The following LARGE1 variants were observed in gnomAD, a reference collection of about 807,000 sequenced individuals.
LARGE1 encodes the protein LARGE xylosyl- and glucuronyltransferase 1.
A neutral mutation model predicts 87.6 loss-of-function variants in LARGE1; 43 were observed. The observed-to-expected ratio is 0.49, with a 90% CI of 0.38 to 0.63. LARGE1 has a LOEUF of 0.63. Among genes scored for constraint, LARGE1 ranks in the 30% least tolerant of loss-of-function variants. The pLI, the probability that LARGE1 is intolerant of heterozygous loss-of-function variation, is 0.00. For synonymous variants in LARGE1, 434 were observed against 394.6 expected, an observed-to-expected ratio of 1.10 and a Z score of -1.18; for missense variants, 802 against 1,000.2, an observed-to-expected ratio of 0.80 and a Z score of 2.67.
intron 5 of LARGE1, among the ~76,000 whole-genome samples, chr22:33,577,993 T>C (rs1569285797): frequency 6.6e-6 from 1 of 152,238 alleles, no homozygotes; most frequent in Non-Finnish European, 1.5e-5. Flanking sequence ...CACTCAGCTC[T>C]TGTAATACAT....
intron 1 of LARGE1, among the ~76,000 whole-genome samples, chr22:33,874,054 C>G (rs2064388957): frequency 6.6e-6 from 1 of 151,972 alleles, no homozygotes; most frequent in Non-Finnish European, 1.5e-5. Context: ...CCTCTATTCT[C>G]CTGCCTCTGC....
chr22:33,826,698 T>C (rs1239966498), intron 1 of LARGE1, among the ~76,000 whole-genome samples: 1 of 152,086 alleles, frequency 6.6e-6, no homozygotes, highest in Non-Finnish European at 1.5e-5. Flanking sequence ...GGACAATCCA[T>C]GCTTCTCTCA....
At chr22:33,411,657 A>G (rs1183193673) in intron 7 of LARGE1, among the ~76,000 whole-genome samples, 2 of 152,206 alleles carry the variant, frequency 1.3e-5, no homozygotes, top group Non-Finnish European at 2.9e-5. Context: ...GCATAAGCAA[A>G]CAAACAAACA....
intron 6 of LARGE1, among the ~76,000 whole-genome samples, chr22:33,501,864 T>C (rs1602137840): frequency 3.3e-5 from 5 of 152,122 alleles, no homozygotes; most frequent in Admixed American, 3.3e-4. Flanking sequence ...CCATGTGCTA[T>C]GAAGGGGAAA....
chr22:33,113,333 G>A, the LARGE1 span, among the ~76,000 whole-genome samples: 1 of 151,210 alleles, frequency 6.6e-6, no homozygotes, highest in Non-Finnish European at 1.5e-5. Context: ...TCAGCCTCCT[G>A]AGTAGCTGGG....
chr22:33,363,732 G>A (rs1171852206), intron 9 of LARGE1, among the ~76,000 whole-genome samples: 1 of 149,856 alleles, frequency 6.7e-6, no homozygotes, highest in Non-Finnish European at 1.5e-5. Context: ...ATTATAATAC[G>A]TCAGCACCAC....
intron 2 of LARGE1, among the ~76,000 whole-genome samples, chr22:33,675,234 C>T (rs1429212181): frequency 7.9e-6 from 1 of 127,302 alleles, no homozygotes; most frequent in Admixed American, 1.0e-4. Flanking sequence ...GCAGAGGTTG[C>T]GGTGAGCCAA....
chr22:33,897,060 A>G (rs189343072), intron 1 of LARGE1, among the ~76,000 whole-genome samples: 169 of 152,280 alleles, frequency 1.1e-3, no homozygotes, highest in Admixed American at 3.5e-3. Flanking sequence ...TTAGCAGATC[A>G]GGGACAGTTT....
At chr22:33,725,953 G>C (rs2083258990) in intron 2 of LARGE1, among the ~76,000 whole-genome samples, 2 of 152,136 alleles carry the variant, frequency 1.3e-5, no homozygotes, top group South Asian at 4.1e-4. Context: ...TCAGGGGAGA[G>C]ATGCTGCTGG....
chr22:33,601,868 T>C (rs1217658340), intron 5 of LARGE1, among the ~76,000 whole-genome samples: 1 of 152,152 alleles, frequency 6.6e-6, no homozygotes, highest in Non-Finnish European at 1.5e-5. Flanking sequence ...GCACGTAAAA[T>C]AATAGACAGT....
intron 9 of LARGE1, among the ~76,000 whole-genome samples, chr22:33,343,381 A>G (rs545379330): frequency 6.6e-6 from 1 of 152,156 alleles, no homozygotes; most frequent in South Asian, 2.1e-4. Flanking sequence ...CAGCCTCCCA[A>G]ACGGCTAGGA....
intron 1 of LARGE1, among the ~76,000 whole-genome samples, chr22:33,762,212 TCAAAAAAAAAAAAA>T (rs1569432909): frequency 2.1e-5 from 1 of 47,012 alleles, no homozygotes. Context: ...AGATTCTATC[TCAAAAAAAAAAAAA>T]AAAAAAAAAA....
At chr22:33,308,593 A>G (rs933917849) in intron 11 of LARGE1, among the ~76,000 whole-genome samples, 1 of 152,166 alleles carries the variant, frequency 6.6e-6, no homozygotes, top group Non-Finnish European at 1.5e-5. Flanking sequence ...TCCATGCGAT[A>G]TTAGCAAACA....
chr22:33,426,213 G>A (rs572317400), intron 7 of LARGE1, among the ~76,000 whole-genome samples: 23 of 152,230 alleles, frequency 1.5e-4, no homozygotes, highest in South Asian at 4.1e-4. Flanking sequence ...ATATGCAAAC[G>A]CTTCTCTATT....
intron 1 of LARGE1, among the ~76,000 whole-genome samples, chr22:33,890,791 G>T (rs750755908): frequency 6.6e-6 from 1 of 151,322 alleles, no homozygotes; most frequent in Non-Finnish European, 1.5e-5. Flanking sequence ...ATAATTTTGG[G>T]GTGGGGGCGG....
intron 1 of LARGE1, among the ~76,000 whole-genome samples, chr22:33,787,631 A>T (rs910341144): frequency 4.6e-5 from 7 of 152,162 alleles, no homozygotes; most frequent in African/African-American, 1.7e-4. Context: ...GAATGAGAAA[A>T]ATCAAATATT....
chr22:33,645,566 T>G lies in LARGE1; in HGVS notation c.408+4801A>C, dbSNP rs551657416. Among the ~76,000 whole-genome samples, 452 of 152,248 alleles carry G rather than the reference T, an allele frequency of 3.0e-3. 2 individuals are homozygous for G. Among genetic ancestry groups the G allele is most frequent in the African/African-American group, 0.01 (434 of 41,542 alleles). Reference sequence around the variant, plus strand: ...TTCATGACTGAAACACCAAAAGCAGTGGCAACAAAAGCCAAAATTGACAAA... The same window carrying G: ...TTCATGACTGAAACACCAAAAGCAGGGGCAACAAAAGCCAAAATTGACAAA... On this transcript the variant is annotated intron_variant, in intron 3 of 14. Transcript: ENST00000397394.
At chr22:33,081,922 G>C in the LARGE1 span, among the ~76,000 whole-genome samples, 2 of 152,286 alleles carry the variant, frequency 1.3e-5, no homozygotes, top group Non-Finnish European at 2.9e-5. Context: ...GAGATTCAGG[G>C]AGGCTAAGCA....
At chr22:33,758,950 G>A (rs2084622203) in intron 2 of LARGE1, among the ~76,000 whole-genome samples, 1 of 152,174 alleles carries the variant, frequency 6.6e-6, no homozygotes, top group South Asian at 2.1e-4. Context: ...GCAGTGACTG[G>A]TTTCAGGAGG....
Sources: allele counts gnomAD v4.1 joint callset (sites outside exome capture counted in the v4.1 genomes callset), GRCh38; gene constraint gnomAD v4.1.1; transcripts MANE v1.5; gene names NCBI Gene and HGNC (gene_info 2026-07-23, HGNC 2026-07-21).